Variants in CSE1L observed in about 807,000 individuals in gnomAD.
CSE1L encodes the protein exportin-2.
CSE1L carries 24 observed loss-of-function variants against 120.4 expected under a neutral mutation model. The ratio of observed to expected loss-of-function variants is 0.20; its 90% CI spans 0.14 to 0.28. The LOEUF (loss-of-function observed/expected upper bound fraction) is 0.28, where lower values mean the gene tolerates loss of function less well. Among genes scored for constraint, CSE1L ranks in the 10% least tolerant of loss-of-function variants. CSE1L has a pLI of 1.00. For missense variants in CSE1L, 830 were observed against 1,145.2 expected (o/e 0.72, Z 3.97); for synonymous variants, 402 against 398.3 (o/e 1.01, Z -0.11).
chr20:49,095,507 G>C (rs1387349465), intron 24 of CSE1L, among the ~76,000 whole-genome samples: 1 of 151,814 alleles, frequency 6.6e-6, no homozygotes, highest in Non-Finnish European at 1.5e-5. Context: ...TGGAGACAGG[G>C]TCTCCCTATG....
At chr20:49,088,177 T>C in intron 17 of CSE1L, 71 bp downstream of exon 17, 1 of 1,022,856 alleles carries the variant, frequency 9.8e-7, no homozygotes, top group African/African-American at 1.6e-5. Flanking sequence ...TCAGAACTCT[T>C]TGGCATTACG....
At chr20:49,070,338 A>T in intron 8 of CSE1L, 41 bp downstream of exon 8, 1 of 936,250 alleles carries the variant, frequency 1.1e-6, no homozygotes, top group South Asian at 1.5e-5. Flanking sequence ...TTTTTCTTTC[A>T]TTAAGAGTTA....
At chr20:49,063,518 T>C (rs2091868365) in intron 3 of CSE1L, among the ~76,000 whole-genome samples, 174 bp downstream of exon 3, 1 of 152,182 alleles carries the variant, frequency 6.6e-6, no homozygotes, top group Non-Finnish European at 1.5e-5. Context: ...ATTGCACCAC[T>C]GTACTCTAGC....
At chr20:49,048,128 C>CTT (rs2091735724) in intron 1 of CSE1L, among the ~76,000 whole-genome samples, 1 of 148,726 alleles carries the variant, frequency 6.7e-6, no homozygotes, top group South Asian at 2.1e-4. Flanking sequence ...TTTGGCCTTT[C>CTT]TCTGTGTGTG....
At chr20:49,082,987 A>G (rs1389381306) in intron 14 of CSE1L, among the ~76,000 whole-genome samples, 1 of 150,998 alleles carries the variant, frequency 6.6e-6, no homozygotes, top group East Asian at 1.9e-4. Flanking sequence ...ACCCACCTAC[A>G]TCATGACTGT....
At chr20:49,083,190 A>G (rs1286373303) in intron 14 of CSE1L, among the ~76,000 whole-genome samples, 2 of 151,444 alleles carry the variant, frequency 1.3e-5, no homozygotes, top group African/African-American at 4.9e-5. Flanking sequence ...ACGTCTGGCT[A>G]ATTTTTTGTA....
At position 49,077,030 on chromosome 20, in the gene CSE1L, G is replaced by A; in HGVS notation, c.1386G>A (p.Val462=). ...TTGTAAACCTAACTGAGTTCTTTGT[G>A]AATCACATCCTCCCTGATTTAAAAT... ...NELVNLTEFF[V]NHILPDLKSA... The change falls in exon 13 of 25, where the codon GTG becomes GTA. Residue 462 remains valine (V), a synonymous_variant. Coordinates refer to ENST00000262982, the MANE Select transcript of CSE1L (RefSeq NM_001316.4). The A allele has an allele frequency of 6.2e-7, 1 of 1,607,420 alleles. No homozygotes were observed. Among genetic ancestry groups the A allele is most frequent in the East Asian group, 2.2e-5 (1 of 44,722 alleles).
chr20:49,061,763 A>G (rs1440424978), intron 2 of CSE1L, among the ~76,000 whole-genome samples: 1 of 151,194 alleles, frequency 6.6e-6, no homozygotes, highest in South Asian at 2.1e-4. Context: ...TCGGCCTCCC[A>G]TAGTGCTGGG....
intron 10 of CSE1L, among the ~76,000 whole-genome samples, 176 bp downstream of exon 10, chr20:49,072,873 G>A (rs1254664423): frequency 2.0e-5 from 3 of 151,946 alleles, no homozygotes; most frequent in Non-Finnish European, 4.4e-5. Context: ...GCCCTGTGAG[G>A]GTTTTCTCAT....
rs1265434919 is a variant in CSE1L at position 49,090,736 on chromosome 20, T to A, written c.2182-6T>A. ...CCATTTTCTGTTGGATCTCATTTCT[T>A]AACAGCCTGGGTTACTAGGTGTCTT... On this transcript the variant is annotated splice_region_variant and splice_polypyrimidine_tract_variant and intron_variant, in intron 19 of 24. Coordinates refer to ENST00000262982, the MANE Select transcript of CSE1L (RefSeq NM_001316.4). The A allele has an allele frequency of 1.2e-6, 2 of 1,610,224 alleles. No homozygotes were observed. Among genetic ancestry groups the A allele is most frequent in the South Asian group, 2.2e-5 (2 of 90,614 alleles).
At chr20:49,054,379 C>A (rs2091790686) in intron 1 of CSE1L, among the ~76,000 whole-genome samples, 1 of 152,200 alleles carries the variant, frequency 6.6e-6, no homozygotes, top group African/African-American at 2.4e-5. Context: ...GCTCAGTTGT[C>A]CTCTGGCTGC....
In CSE1L at chr20:49,046,348, A is replaced by C. The variant is rs1029545977; in HGVS notation, c.-87A>C. On this transcript the variant is annotated 5_prime_UTR_variant, in exon 1 of 25. Transcript: ENST00000262982. ...TTGCCGGGGTTTGAATGTGAGGCGGAGCGGCGGCAGGAGCGGGTAGTGCCA... is the reference window on the plus strand; with the variant it reads ...TTGCCGGGGTTTGAATGTGAGGCGGCGCGGCGGCAGGAGCGGGTAGTGCCA... 1.3e-5 allele frequency: 2 copies of C among 152,420 alleles called. No individual in the cohort carries two copies. Among genetic ancestry groups the C allele is most frequent in the African/African-American group, 2.4e-5 (1 of 41,450 alleles). The allele number at this position is 152,420 out of a possible 1,614,324, so 9.4% of individuals were successfully genotyped here.
chr20:49,063,136 A>G lies in CSE1L; in HGVS notation c.86-66A>G, dbSNP rs566273276. The G allele has an allele frequency of 8.5e-6, 7 of 826,990 alleles. No homozygotes were observed. In the African/African-American group the frequency reaches 1.1e-4, roughly 13 times the overall value. 51.2% of individuals were successfully genotyped at this position (826,990 alleles called of 1,614,324 possible). A position where few individuals can be genotyped will look rare whatever the true frequency, so the allele number is the denominator to read the frequency against. On this transcript the variant is annotated intron_variant, in intron 2 of 24. Transcript: ENST00000262982. ...TTTTTTGATTTTTTTTTATATATAT[A>G]TATTTGATATATATAAGGTGGAAAG...
At position 49,089,392 on chromosome 20, in the gene CSE1L, T is replaced by G; in HGVS notation, c.1967T>G (p.Val656Gly). 1 of 1,606,830 alleles carries G rather than the reference T, an allele frequency of 6.2e-7. No individual in the cohort carries two copies. Among genetic ancestry groups the G allele is most frequent in the Non-Finnish European group, 8.5e-7 (1 of 1,178,238 alleles). The change falls in exon 18 of 25, where the codon GTG (valine) becomes GGG (glycine). Residue 656 changes from valine (V) to glycine (G), a missense_variant. Physicochemically the swap from Val to Gly is moderately radical, Grantham distance 109. Coordinates refer to ENST00000262982, the MANE Select transcript of CSE1L (RefSeq NM_001316.4). Reference sequence around the variant, plus strand: ...TTTACTGAAATCTTACAAAATGATGTGCAAGGTAAGTTAACGGAAATTATT... The same window carrying G: ...TTTACTGAAATCTTACAAAATGATGGGCAAGGTAAGTTAACGGAAATTATT... ...LVFTEILQND[V>G]QEFIPYVFQV...
intron 10 of CSE1L, among the ~76,000 whole-genome samples, chr20:49,074,340 A>G (rs1765332144): frequency 1.3e-5 from 2 of 151,328 alleles, no homozygotes; most frequent in South Asian, 4.2e-4. Flanking sequence ...CCAAAGTGCT[A>G]GGTTACACGC....
intron 5 of CSE1L, among the ~76,000 whole-genome samples, chr20:49,066,792 G>A (rs1180308731): frequency 6.6e-6 from 1 of 152,022 alleles, no homozygotes; most frequent in Non-Finnish European, 1.5e-5. Flanking sequence ...ACTTTAGGAG[G>A]GCAAAGTGGG....
intron 8 of CSE1L, 81 bp downstream of exon 8, chr20:49,070,378 C>T (rs1427014281): frequency 1.5e-6 from 1 of 683,040 alleles, no homozygotes; most frequent in Non-Finnish European, 2.6e-6. Flanking sequence ...CCTATTTACT[C>T]TTGCATTGTT....
At chr20:49,087,359 T>A (rs1281274194) in intron 16 of CSE1L, among the ~76,000 whole-genome samples, 1 of 146,976 alleles carries the variant, frequency 6.8e-6, no homozygotes, top group East Asian at 2.0e-4. Context: ...TTCTTTTTTT[T>A]TTTTTTTTTT....
intron 1 of CSE1L, 70 bp from the exon 2 acceptor site, chr20:49,058,383 C>T (rs1057189043): frequency 1.8e-5 from 20 of 1,138,426 alleles, no homozygotes; most frequent in Middle Eastern, 5.7e-4. Context: ...ATAATATAAA[C>T]GGATTTCTTT....
Sources: allele counts gnomAD v4.1 joint callset (sites outside exome capture counted in the v4.1 genomes callset), GRCh38; gene constraint gnomAD v4.1.1; transcripts MANE v1.5; gene names NCBI Gene and HGNC (gene_info 2026-07-23, HGNC 2026-07-21).